Variants in F13B observed in about 807,000 individuals in gnomAD.
F13B encodes the protein TGase.
F13B carries 58 observed loss-of-function variants against 79.8 expected under a neutral mutation model. The ratio of observed to expected loss-of-function variants is 0.73; its 90% CI spans 0.59 to 0.90. The LOEUF is 0.90. F13B is among the 40% of genes least tolerant of loss of function. The probability of loss-of-function intolerance (pLI) is 0.00; values close to 1 mark genes in which losing one functional copy is unlikely to be tolerated. For missense variants in F13B, 773 were observed against 777.0 expected (o/e 0.99, Z 0.06); for synonymous variants, 283 against 260.3 (o/e 1.09, Z -0.84).
rs17549561 is a variant in F13B, at chr1:197,063,773, T to C, written c.65-716A>G. 7.3e-3 allele frequency among the ~76,000 whole-genome samples: 1,113 copies of C among 152,332 alleles called. 13 individuals carry two copies. The highest frequency in any genetic ancestry group is 0.026 in the African/African-American group (1,062 of 41,574). On this transcript the variant is annotated intron_variant, in intron 1 of 11. Coordinates refer to ENST00000367412, the MANE Select transcript of F13B (RefSeq NM_001994.3). ...ATATTGAAAATATTTTACATTCTTT[T>C]TTTTTCTAACTCTTTAAAATCCACT...
At chr1:197,052,231 C>T (rs1655468232) in intron 9 of F13B, among the ~76,000 whole-genome samples, 1 of 152,052 alleles carries the variant, frequency 6.6e-6, no homozygotes, top group Non-Finnish European at 1.5e-5. Flanking sequence ...GACACCATTT[C>T]ACACCAGTCA....
chr1:197,050,706 A>G lies in F13B; in HGVS notation c.1729T>C (p.Leu577=). 1 of 1,613,032 alleles carries G rather than the reference A, an allele frequency of 6.2e-7. No homozygotes were observed. The highest frequency in any genetic ancestry group is 8.5e-7 in the Non-Finnish European group (1 of 1,179,372). The change falls in exon 10 of 12, where the codon TTG becomes CTG. Residue 577 remains leucine, a synonymous_variant. Transcript: ENST00000367412. ...CLDGMWTTPP[L]CLEPCTLSFT... is the part of the protein sequence containing the mutation. Reference sequence around the variant, plus strand: ...ATTTAGTAGTACATACCTAAACACAATGGTGGTGTAGTCCACATTCCATCT... The same window carrying G: ...ATTTAGTAGTACATACCTAAACACAGTGGTGGTGTAGTCCACATTCCATCT...
chr1:197,060,471 C>G lies in F13B; in HGVS notation c.700G>C (p.Gly234Arg). 6.2e-7 allele frequency: 1 copy of G among 1,608,710 alleles called. No individual in the cohort carries two copies. The change falls in exon 5 of 12, where the codon GGA becomes CGA. Residue 234 changes from glycine to arginine, a missense_variant. Gly to Arg is a moderately radical substitution (Grantham distance 125). Transcript: ENST00000367412. ...FHPVKQTYEE[G>R]DVVQFFCHEN... ...TGACAGAAAAACTGAACGACATCTC[C>G]TTCTTCATAGGTTTGCTTTACAGGA...
chr1:197,062,772 G>T, intron 2 of F13B, 85 bp downstream of exon 2: 6 of 1,333,820 alleles, frequency 4.5e-6, no homozygotes, highest in Non-Finnish European at 6.5e-6. Context: ...AGGTTTAACC[G>T]CTTTCCATTT....
Position 197,040,637 on chromosome 1 carries a change from C to A in F13B, c.1837G>T (p.Glu613Ter), listed in dbSNP as rs1324028402. ...TAAGTATCTCCTCTACAAATAAACT[C>A]AATATATTCACCATGCAAAATGTGT... Reference protein sequence around the residue: ...RPHILHGEYIEFICRGDTYPA... With the variant: ...RPHILHGEYI The change falls in exon 11 of 12, where the codon GAG becomes TAG. Residue 613 changes from glutamate (E) to a stop codon, truncating the protein, a stop_gained. Transcript: ENST00000367412. LOFTEE classifies it high-confidence loss of function. 1.9e-6 allele frequency: 3 copies of A among 1,612,536 alleles called. No individual in the cohort carries two copies. The highest frequency in any genetic ancestry group is 2.5e-6 in the Non-Finnish European group (3 of 1,178,936).
chr1:197,059,483 T>C (rs1361647294), intron 5 of F13B, among the ~76,000 whole-genome samples: 2 of 152,154 alleles, frequency 1.3e-5, no homozygotes, highest in Non-Finnish European at 2.9e-5. Context: ...TTCACCTGCC[T>C]GTCAATAGAC....
At position 197,056,743 on chromosome 1, in the gene F13B, A is replaced by T. The variant is rs190262167; in HGVS notation, c.1171+270T>A. On this transcript the variant is annotated intron_variant, in intron 7 of 11. Transcript: ENST00000367412. The stretch of plus-strand genomic sequence containing the variant: ...TCATTTAGAACTTACAGGTAATGGC[A>T]TGACACAGATCAGATAACCGTGCTT... Among the ~76,000 whole-genome samples, 244 of 152,302 alleles carry T rather than the reference A, an allele frequency of 1.6e-3. 2 individuals carry two copies. The highest frequency in any genetic ancestry group is 5.6e-3 in the African/African-American group (233 of 41,584).
intron 10 of F13B, among the ~76,000 whole-genome samples, chr1:197,042,506 A>C (rs7518773): frequency 5.3e-4 from 81 of 151,486 alleles, no homozygotes; most frequent in African/African-American, 1.8e-3. Flanking sequence ...TCTGGAAAAA[A>C]TGTATTCAGG....
chr1:197,040,651 T>C lies in F13B; in HGVS notation c.1823A>G (p.His608Arg), dbSNP rs1655006373. Residue 608 changes from histidine to arginine, a missense_variant, in exon 11 of 12, where the codon CAT becomes CGT. Physicochemically the swap from His to Arg is conservative, Grantham distance 29. Transcript: ENST00000367412. ...WDFDNRPHILHGEYIEFICRG... is the reference protein window; with the variant it reads ...WDFDNRPHILRGEYIEFICRG... Reference sequence around the variant, plus strand: ...ACAAATAAACTCAATATATTCACCATGCAAAATGTGTGGTCTATTGTCAAA... The same window carrying C: ...ACAAATAAACTCAATATATTCACCACGCAAAATGTGTGGTCTATTGTCAAA... 1 of 1,612,672 alleles carries C rather than the reference T, an allele frequency of 6.2e-7. No homozygotes were observed. The highest frequency in any genetic ancestry group is 1.3e-5 in the African/African-American group (1 of 74,870).
At chr1:197,058,805 C>T (rs1260823765) in intron 5 of F13B, among the ~76,000 whole-genome samples, 1 of 151,942 alleles carries the variant, frequency 6.6e-6, no homozygotes, top group African/African-American at 2.4e-5. Context: ...TATAATTCAG[C>T]CCACAACTGA....
chr1:197,053,079 G>A (rs1476550037), intron 8 of F13B, among the ~76,000 whole-genome samples: 1 of 151,742 alleles, frequency 6.6e-6, no homozygotes, highest in African/African-American at 2.4e-5. Flanking sequence ...CTATTTAAGG[G>A]CATCAATCAG....
intron 10 of F13B, among the ~76,000 whole-genome samples, chr1:197,041,715 T>G (rs1486134481): frequency 1.3e-5 from 2 of 152,164 alleles, no homozygotes; most frequent in African/African-American, 2.4e-5. Context: ...ATGTTTCTGT[T>G]CATGTCTTCT....
chr1:197,049,795 A>G (rs1655372568), intron 10 of F13B, among the ~76,000 whole-genome samples: 1 of 152,142 alleles, frequency 6.6e-6, no homozygotes, highest in Non-Finnish European at 1.5e-5. Context: ...ATAAATAAAA[A>G]TATAACATAT....
chr1:197,043,697 T>C (rs756446229), intron 10 of F13B, among the ~76,000 whole-genome samples: 1 of 150,876 alleles, frequency 6.6e-6, no homozygotes, highest in Non-Finnish European at 1.5e-5. Flanking sequence ...TAGAAGAAAA[T>C]TACCAAATAG....
chr1:197,060,647 C>A, intron 4 of F13B, 105 bp from the exon 5 acceptor site: 1 of 853,714 alleles, frequency 1.2e-6, no homozygotes, highest in Non-Finnish European at 1.8e-6. Flanking sequence ...TTAAATTTGC[C>A]AAAAAGCTTA....
chr1:197,038,976 T>C lies in F13B; in HGVS notation c.*402A>G, dbSNP rs1204200622. 1.3e-5 allele frequency among the ~76,000 whole-genome samples: 2 copies of C among 152,076 alleles called. No individual in the cohort carries two copies. Among genetic ancestry groups the C allele is most frequent in the African/African-American group, 4.8e-5 (2 of 41,434 alleles). The stretch of plus-strand genomic sequence containing the variant: ...TCTTATCTCTAGTGTGTTTGGCCCT[T>C]TAATAGTGACATAAACTTTGAATTA... On this transcript the variant is annotated 3_prime_UTR_variant, in exon 12 of 12. Coordinates refer to ENST00000367412, the MANE Select transcript of F13B (RefSeq NM_001994.3).
At chr1:197,057,700 C>G (rs1038987297) in intron 5 of F13B, among the ~76,000 whole-genome samples, 1 of 152,058 alleles carries the variant, frequency 6.6e-6, no homozygotes, top group Non-Finnish European at 1.5e-5. Flanking sequence ...TGGATTAGTA[C>G]GTGATTATGC....
rs1442449790 is a variant in F13B, at chr1:197,067,188, C to T, written c.36G>A (p.Leu12=). Reference sequence around the variant, plus strand: ...CTGCATAGAGTTCTCCTGAGATTATCAATATGATGATAAAAGTCAGGTTTT... The same window carrying T: ...CTGCATAGAGTTCTCCTGAGATTATTAATATGATGATAAAAGTCAGGTTTT... ...RLKNLTFIII[L]IISGELYAEE... Residue 12 remains leucine (L), a synonymous_variant, in exon 1 of 12, where the codon TTG becomes TTA. Transcript: ENST00000367412. 2 of 1,607,538 alleles carry T rather than the reference C, an allele frequency of 1.2e-6. No individual in the cohort carries two copies. Among genetic ancestry groups the T allele is most frequent in the South Asian group, 2.2e-5 (2 of 90,818 alleles).
Position 197,050,832 on chromosome 1 carries a change from T to A in F13B, c.1603A>T (p.Ile535Phe), listed in dbSNP as rs765945622. 1 of 1,613,392 alleles carries A rather than the reference T, an allele frequency of 6.2e-7. No homozygotes were observed. Among genetic ancestry groups the A allele is most frequent in the Non-Finnish European group, 8.5e-7 (1 of 1,179,596 alleles). ...TSPPLIKHGV[I>F]ISSTVDTYEN... is the part of the protein sequence containing the mutation. ...TAGGTGTCTACTGTTGAACTAATAA[T>A]GACTCCATGTTTAATAAGAGGAGGA... The change falls in exon 10 of 12, where the codon ATT (isoleucine) becomes TTT (phenylalanine). Residue 535 changes from isoleucine (I) to phenylalanine (F), a missense_variant. By Grantham distance (21) the Ile-to-Phe change is conservative (BLOSUM62 0). Coordinates refer to ENST00000367412, the MANE Select transcript of F13B (RefSeq NM_001994.3).
Sources: allele counts gnomAD v4.1 joint callset (sites outside exome capture counted in the v4.1 genomes callset), GRCh38; gene constraint gnomAD v4.1.1; transcripts MANE v1.5; gene names NCBI Gene and HGNC (gene_info 2026-07-23, HGNC 2026-07-21).